Variants in AP3B1 observed in about 807,000 individuals in gnomAD.
AP3B1 encodes adaptor related protein complex 3 subunit beta 1.
A neutral mutation model predicts 132.5 loss-of-function variants in AP3B1; 61 were observed. That is an observed-to-expected ratio of 0.46 (90% CI 0.37 to 0.57). AP3B1 has a LOEUF of 0.57. AP3B1 is among the 20% of genes least tolerant of loss of function. The probability of loss-of-function intolerance (pLI) is 0.00; values close to 1 mark genes in which losing one functional copy is unlikely to be tolerated. For missense variants in AP3B1, 1,120 were observed against 1,289.4 expected (o/e 0.87, Z 2.01); for synonymous variants, 388 against 438.3 (o/e 0.89, Z 1.43).
chr5:78,138,891 A>C (rs893494964), intron 15 of AP3B1, among the ~76,000 whole-genome samples: 1 of 145,812 alleles, frequency 6.9e-6, no homozygotes, highest in Non-Finnish European at 1.5e-5. Context: ...AATTGCTTGA[A>C]CCTGGGAGGT....
At chr5:78,222,901 CCA>C (rs1746241266) in intron 6 of AP3B1, among the ~76,000 whole-genome samples, 1 of 152,028 alleles carries the variant, frequency 6.6e-6, no homozygotes, top group Admixed American at 6.6e-5. Flanking sequence ...ACTGTATACC[CCA>C]CAGAGGTACA....
At chr5:78,125,891 A>T (rs1344009370) in intron 17 of AP3B1, among the ~76,000 whole-genome samples, 2 of 152,194 alleles carry the variant, frequency 1.3e-5, no homozygotes, top group Non-Finnish European at 2.9e-5. Context: ...AAATGGAAGA[A>T]GCCAGCCAAC....
intron 11 of AP3B1, among the ~76,000 whole-genome samples, chr5:78,172,723 T>TGGGTATTTCGTTTTTGAA (rs1743972947): frequency 6.6e-6 from 1 of 152,156 alleles, no homozygotes; most frequent in Admixed American, 6.5e-5. Context: ...TTTTCGTTAT[T>TGGGTATTTCGTTTTTGAA]GGGTATTTCG....
intron 21 of AP3B1, among the ~76,000 whole-genome samples, chr5:78,100,060 C>G (rs913864976): frequency 3.3e-5 from 5 of 152,008 alleles, no homozygotes; most frequent in Non-Finnish European, 7.4e-5. Flanking sequence ...AAAATCTTAG[C>G]CAATGTGTAA....
intron 22 of AP3B1, among the ~76,000 whole-genome samples, chr5:78,039,516 C>G (rs926016648): frequency 1.3e-5 from 2 of 152,108 alleles, no homozygotes; most frequent in Non-Finnish European, 2.9e-5. Context: ...TGGCTCACGC[C>G]TGTAATCCCA....
intron 22 of AP3B1, among the ~76,000 whole-genome samples, chr5:78,079,366 G>A (rs1056511957): frequency 1.1e-4 from 17 of 152,124 alleles, no homozygotes; most frequent in Middle Eastern, 3.4e-3. Context: ...AACTCTAATT[G>A]AGAATTTAAG....
chr5:78,159,908 G>T (rs1743317779), intron 13 of AP3B1, among the ~76,000 whole-genome samples: 1 of 152,012 alleles, frequency 6.6e-6, no homozygotes, highest in Non-Finnish European at 1.5e-5. Flanking sequence ...CTTCCTCCTT[G>T]TCCTCAACAA....
At chr5:78,204,646 T>A (rs1192688953) in intron 7 of AP3B1, among the ~76,000 whole-genome samples, 1 of 152,190 alleles carries the variant, frequency 6.6e-6, no homozygotes, top group Non-Finnish European at 1.5e-5. Flanking sequence ...AGTAGATAAT[T>A]TGTTCTGAGG....
At chr5:78,080,439 T>G (rs1302200579) in intron 22 of AP3B1, among the ~76,000 whole-genome samples, 4 of 152,006 alleles carry the variant, frequency 2.6e-5, no homozygotes, top group Non-Finnish European at 5.9e-5. Context: ...GTGATAGATG[T>G]AGTTTCCAAT....
chr5:78,197,097 T>C (rs1378934745), intron 7 of AP3B1, among the ~76,000 whole-genome samples: 1 of 152,206 alleles, frequency 6.6e-6, no homozygotes, highest in Non-Finnish European at 1.5e-5. Context: ...GTTTTGCATG[T>C]GTGGAGGTAG....
chr5:78,043,474 C>T (rs1382974032), intron 22 of AP3B1: 3 of 237,414 alleles, frequency 1.3e-5, no homozygotes. Context: ...TGCCTATCAT[C>T]ACTGATTTTC....
chr5:78,093,141 CAG>C (rs1466638563), intron 21 of AP3B1, among the ~76,000 whole-genome samples: 2 of 152,132 alleles, frequency 1.3e-5, no homozygotes, highest in African/African-American at 4.8e-5. Context: ...ATCTGTTAAA[CAG>C]AATTTGTTCT....
At chr5:78,004,621 T>C (rs1002241277) in intron 26 of AP3B1, among the ~76,000 whole-genome samples, 24 of 152,250 alleles carry the variant, frequency 1.6e-4, no homozygotes, top group Non-Finnish European at 2.8e-4. Context: ...AAAACAGATA[T>C]GCTAATTTTA....
intron 22 of AP3B1, among the ~76,000 whole-genome samples, chr5:78,044,404 G>A (rs562169739): frequency 2.0e-5 from 3 of 152,286 alleles, no homozygotes; most frequent in Non-Finnish European, 4.4e-5. Flanking sequence ...ATTAGAGACA[G>A]TGACAGGTCT....
At chr5:78,283,401 T>C (rs1749141086) in intron 1 of AP3B1, among the ~76,000 whole-genome samples, 1 of 152,184 alleles carries the variant, frequency 6.6e-6, no homozygotes, top group South Asian at 2.1e-4. Flanking sequence ...TAAACACAAT[T>C]CAAAAACTTG....
intron 7 of AP3B1, among the ~76,000 whole-genome samples, chr5:78,212,512 A>G (rs553851424): frequency 9.2e-5 from 14 of 152,260 alleles, no homozygotes; most frequent in South Asian, 8.3e-4. Flanking sequence ...CTTCAAGGTA[A>G]AATGGCCCTT....
chr5:78,097,241 G>T (rs1454083862), intron 21 of AP3B1, among the ~76,000 whole-genome samples: 3 of 126,640 alleles, frequency 2.4e-5, no homozygotes, highest in Non-Finnish European at 5.2e-5. Context: ...GAGGTGGGGG[G>T]GTCAGCCCCC....
chr5:78,181,143 C>T (rs1194420435), intron 8 of AP3B1, among the ~76,000 whole-genome samples: 2 of 152,012 alleles, frequency 1.3e-5, no homozygotes, highest in Non-Finnish European at 2.9e-5. Flanking sequence ...TATATAAGAG[C>T]TAATATAATC....
chr5:78,156,374 AAGAT>A lies in AP3B1; in HGVS notation c.1364-11_1364-8del, dbSNP rs767221955. 4 of 1,577,250 alleles carry A rather than the reference AAGAT, an allele frequency of 2.5e-6. No individual in the cohort carries two copies. The highest frequency in any genetic ancestry group is 2.6e-6 in the Non-Finnish European group (3 of 1,147,056). On this transcript the variant is annotated splice_polypyrimidine_tract_variant and splice_region_variant and intron_variant, in intron 13 of 26. Transcript: ENST00000255194. ...CTTTCAGCAACAACTATTTCTGAAA[AAGAT>A]AGAAATTATTCATACTAAATATGTA...
Sources: gnomAD v4.1 joint callset for allele counts (sites outside exome capture counted in the v4.1 genomes callset) on GRCh38, gnomAD v4.1.1 for gene constraint, MANE v1.5 for transcripts, NCBI Gene and HGNC (gene_info 2026-07-23, HGNC 2026-07-21) for gene names.